Variants in NEBL observed in about 807,000 individuals in gnomAD.
The protein encoded by NEBL is LIM and SH3 protein 2.
A neutral mutation model predicts 140.2 loss-of-function variants in NEBL; 122 were observed. That is an observed-to-expected ratio of 0.87 (90% CI 0.75 to 1.01). The LOEUF is 1.01. Among genes scored for constraint, NEBL ranks in the 50% least tolerant of loss-of-function variants. NEBL has a pLI of 0.00. For missense variants in NEBL, 1,365 were observed against 1,231.3 expected, an observed-to-expected ratio of 1.11 and a Z score of -1.62; for synonymous variants, 436 against 398.9, an observed-to-expected ratio of 1.09 and a Z score of -1.11.
intron 3 of NEBL, among the ~76,000 whole-genome samples, chr10:21,215,274 A>G (rs1841974630): frequency 6.6e-6 from 1 of 152,130 alleles, no homozygotes; most frequent in Non-Finnish European, 1.5e-5. Flanking sequence ...ACGCCACTGT[A>G]CTTCAGCCTA....
chr10:21,120,522 C>T (rs1838516492), intron 2 of NEBL, among the ~76,000 whole-genome samples: 1 of 147,004 alleles, frequency 6.8e-6, no homozygotes, highest in Admixed American at 6.8e-5. Flanking sequence ...ATACTCTATT[C>T]TTCAACAATC....
At chr10:20,945,617 T>C (rs181296823) in intron 4 of NEBL, among the ~76,000 whole-genome samples, 1 of 152,174 alleles carries the variant, frequency 6.6e-6, no homozygotes, top group Non-Finnish European at 1.5e-5. Context: ...GAAAGTCTGG[T>C]TCCCAGTGTT....
Position 20,782,007 on chromosome 10 carries a change from C to T in NEBL, c.*3740G>A, listed in dbSNP as rs968933645. The T allele has an allele frequency of 4.6e-5, 7 of 152,514 alleles. No individual in the cohort carries two copies. The highest frequency in any genetic ancestry group is 1.7e-4 in the African/African-American group (7 of 41,414). 9.4% of individuals were successfully genotyped at this position (152,514 alleles called of 1,614,324 possible). A position where few individuals can be genotyped will look rare whatever the true frequency, so the allele number is the denominator to read the frequency against. ...CACAATTATTCTATCTTACAATAGG[C>T]ATTTTAAATCCCAAATCTAAAGTTA... On this transcript the variant is annotated 3_prime_UTR_variant, in exon 28 of 28. Transcript: ENST00000377122.
chr10:20,809,906 C>T lies in NEBL; in HGVS notation c.2519-8G>A. Reference sequence around the variant, plus strand: ...TGCGCCAAACTTTGAGGTCTTTTGCCAAAAGGAAGAAATCAACACTCATCA... The same window carrying T: ...TGCGCCAAACTTTGAGGTCTTTTGCTAAAAGGAAGAAATCAACACTCATCA... On this transcript the variant is annotated splice_region_variant and splice_polypyrimidine_tract_variant and intron_variant, in intron 24 of 27. Transcript: ENST00000377122. The T allele has an allele frequency of 7.8e-7, 1 of 1,288,902 alleles. No individual in the cohort carries two copies. The highest frequency in any genetic ancestry group is 1.0e-6 in the Non-Finnish European group (1 of 957,478). The allele number at this position is 1,288,902 out of a possible 1,614,324, so 79.8% of individuals were successfully genotyped here.
intron 2 of NEBL, among the ~76,000 whole-genome samples, chr10:21,128,039 G>A (rs1838919136): frequency 6.6e-6 from 1 of 152,026 alleles, no homozygotes; most frequent in East Asian, 1.9e-4. Flanking sequence ...AAATATTTTG[G>A]CATCTATATT....
At chr10:21,044,576 G>A (rs912931758) in intron 2 of NEBL, among the ~76,000 whole-genome samples, 1 of 152,082 alleles carries the variant, frequency 6.6e-6, no homozygotes, top group Non-Finnish European at 1.5e-5. Context: ...CTTAAAAGAA[G>A]AGAAAATAAA....
At chr10:20,850,220 A>T (rs1842371161) in intron 11 of NEBL, among the ~76,000 whole-genome samples, 175 bp downstream of exon 11, 1 of 152,164 alleles carries the variant, frequency 6.6e-6, no homozygotes, top group African/African-American at 2.4e-5. Flanking sequence ...GGACCAGATA[A>T]ACTCAATGAC....
rs963569662 is a variant in NEBL at position 20,783,570 on chromosome 10, G to A, written c.*2177C>T. On this transcript the variant is annotated 3_prime_UTR_variant, in exon 28 of 28. Coordinates refer to ENST00000377122, the MANE Select transcript of NEBL (RefSeq NM_006393.3). ...ATTATTTCAAGTCAGTTTTCATTGC[G>A]GTTCTTATAAATGTGCTATTTATCC... The A allele has an allele frequency of 2.0e-5, 3 of 152,162 alleles. No individual in the cohort carries two copies. The highest frequency in any genetic ancestry group is 6.6e-5 in the Admixed American group (1 of 15,252). 9.4% of individuals were successfully genotyped at this position (152,162 alleles called of 1,614,324 possible). A position where few individuals can be genotyped will look rare whatever the true frequency, so the allele number is the denominator to read the frequency against.
rs1279144105 is a variant in NEBL, at chr10:20,918,530, T to C, written c.357+43142A>G. On this transcript the variant is annotated intron_variant, in intron 4 of 6. Coordinates refer to the NEBL transcript ENST00000417816. ...AATATACTTAGAGCACTTGAATCAG[T>C]GCACTTAAGTAAGTACATAATAAAT... Among the ~76,000 whole-genome samples the C allele has an allele frequency of 2.0e-5, 3 of 152,100 alleles. No homozygotes were observed. The East Asian group carries it at 5.8e-4, about 29-fold the overall frequency.
chr10:21,229,934 C>A lies in NEBL; in HGVS notation n.348+17987G>T, dbSNP rs150730711. Among the ~76,000 whole-genome samples the A allele has an allele frequency of 1.1e-3, 162 of 152,332 alleles. 2 individuals are homozygous for A. The highest frequency in any genetic ancestry group is 3.8e-3 in the African/African-American group (156 of 41,574). On this transcript the variant is annotated intron_variant and non_coding_transcript_variant, in intron 3 of 8. Coordinates refer to the NEBL transcript ENST00000675702. ...TCCTTTTATATGTAACCCACGTTGC[C>A]TAGCTCGGTGCCCTGCATGGGGTGG...
intron 4 of NEBL, among the ~76,000 whole-genome samples, chr10:20,928,750 C>G (rs1207193891): frequency 6.6e-6 from 1 of 152,166 alleles, no homozygotes; most frequent in Non-Finnish European, 1.5e-5. Flanking sequence ...GCTGTAATCC[C>G]TCTCTCTTGT....
chr10:20,978,103 A>G (rs537167608), intron 3 of NEBL, among the ~76,000 whole-genome samples: 1 of 152,338 alleles, frequency 6.6e-6, no homozygotes, highest in African/African-American at 2.4e-5. Flanking sequence ...GAAGAAAATA[A>G]GGAAATAGAT....
At chr10:20,892,308 G>A (rs146241465) in intron 2 of NEBL, among the ~76,000 whole-genome samples, 14 of 152,312 alleles carry the variant, frequency 9.2e-5, no homozygotes, top group Non-Finnish European at 1.9e-4. Context: ...GCACAACCCT[G>A]TGACATTCTG....
Position 21,192,254 on chromosome 10 carries a change from C to T in NEBL, n.349-19777G>A, listed in dbSNP as rs573131834. Among the ~76,000 whole-genome samples, 10 of 151,422 alleles carry T rather than the reference C, an allele frequency of 6.6e-5. 1 individual carries two copies. Among genetic ancestry groups the T allele is most frequent in the South Asian group, 4.2e-4 (2 of 4,790 alleles). ...TCACCCAGGCTGGGGTGCAGTGGCA[C>T]GATCTCGGCTTACTGCAAGTTCTGC... On this transcript the variant is annotated intron_variant and non_coding_transcript_variant, in intron 3 of 8. Coordinates refer to the NEBL transcript ENST00000675702.
chr10:20,873,677 A>T (rs1020362765), intron 5 of NEBL, among the ~76,000 whole-genome samples: 3 of 152,226 alleles, frequency 2.0e-5, no homozygotes, highest in African/African-American at 7.2e-5. Flanking sequence ...TTTTTCAAAC[A>T]ATCATAACAT....
intron 13 of NEBL, among the ~76,000 whole-genome samples, chr10:20,840,022 G>A (rs1413725489): frequency 6.6e-6 from 1 of 152,122 alleles, no homozygotes. Flanking sequence ...CATGAGTGAA[G>A]ACATCTCCTT....
At chr10:21,004,585 T>C (rs937710768) in intron 3 of NEBL, among the ~76,000 whole-genome samples, 2 of 152,082 alleles carry the variant, frequency 1.3e-5, no homozygotes, top group African/African-American at 2.4e-5. Flanking sequence ...CCAGGCATGG[T>C]GGCAGGTGCC....
intron 2 of NEBL, 120 bp downstream of exon 2, chr10:20,896,837 TG>T: frequency 2.2e-6 from 2 of 901,178 alleles, no homozygotes; most frequent in Non-Finnish European, 3.7e-6. Flanking sequence ...TTCCATGATC[TG>T]GAAAGTGACT....
intron 2 of NEBL, among the ~76,000 whole-genome samples, chr10:21,045,672 C>T (rs1379264420): frequency 2.0e-5 from 3 of 152,162 alleles, no homozygotes; most frequent in East Asian, 1.9e-4. Context: ...AATGGAAAAT[C>T]GCCTCACACT....
Sources: allele counts gnomAD v4.1 joint callset (sites outside exome capture counted in the v4.1 genomes callset), GRCh38; gene constraint gnomAD v4.1.1; transcripts MANE v1.5; gene names NCBI Gene and HGNC (gene_info 2026-07-23, HGNC 2026-07-21).